The following CSF2RB variants were observed in gnomAD, a reference collection of about 807,000 sequenced individuals.
CSF2RB encodes cytokine receptor common subunit beta.
CSF2RB carries 22 observed loss-of-function variants against 67.2 expected under a neutral mutation model. That is an observed-to-expected ratio of 0.33 (90% CI 0.23 to 0.47). The LOEUF is 0.47. Ranked by LOEUF, CSF2RB falls within the 20% of genes least tolerant of loss-of-function variation. The pLI, the probability that CSF2RB is intolerant of heterozygous loss-of-function variation, is 1.00. For synonymous variants in CSF2RB, 507 were observed against 482.9 expected (o/e 1.05, Z -0.65); for missense variants, 1,113 against 1,174.5 (o/e 0.95, Z 0.76).
At chr22:36,936,975 G>A (rs1262202019) in intron 13 of CSF2RB, among the ~76,000 whole-genome samples, 3 of 152,220 alleles carry the variant, frequency 2.0e-5, no homozygotes, top group East Asian at 3.9e-4. Context: ...GGAACTCGGC[G>A]CCTGAGCCGG....
chr22:36,929,523 T>C lies in CSF2RB; in HGVS notation c.513T>C (p.Phe171=). 1 of 1,614,144 alleles carries C rather than the reference T, an allele frequency of 6.2e-7. No individual in the cohort carries two copies. The change falls in exon 5 of 14, where the codon TTT becomes TTC. Residue 171 remains phenylalanine, a synonymous_variant. Coordinates refer to ENST00000403662, the MANE Select transcript of CSF2RB (RefSeq NM_000395.3). ...GGTTGTCCCCAGGGGATCTGGAGTT[T>C]GAGGTGGTCTACAAGCGGCTTCAGG... The part of the protein sequence containing the change: ...SHWLSPGDLE[F]EVVYKRLQDS...
rs953500655 is a variant in CSF2RB at position 36,937,073 on chromosome 22, G to C, written c.1569-304G>C. On this transcript the variant is annotated intron_variant, in intron 13 of 13. Transcript: ENST00000403662. This position sits in a 1 kb window ranked among gnomAD's most constrained non-coding sequence, Gnocchi z 4.6. ...TGCCCAGTGCACAGGCTGGGCATGA[G>C]CCTGGTGCTGAAGGAGGATGGACTT... 6.6e-6 allele frequency among the ~76,000 whole-genome samples: 1 copy of C among 152,142 alleles called. No homozygotes were observed. Among genetic ancestry groups the C allele is most frequent in the South Asian group, 2.1e-4 (1 of 4,832 alleles).
chr22:36,916,993 G>T (rs542026757), intron 1 of CSF2RB, among the ~76,000 whole-genome samples: 2 of 152,348 alleles, frequency 1.3e-5, no homozygotes, highest in Admixed American at 1.3e-4. Context: ...AGAGCCTCCT[G>T]TGTGAGGCTT....
chr22:36,935,391 C>T lies in CSF2RB; in HGVS notation c.1356C>T (p.Leu452=), dbSNP rs761301572. 2 of 1,614,218 alleles carry T rather than the reference C, an allele frequency of 1.2e-6. No homozygotes were observed. The highest frequency in any genetic ancestry group is 1.1e-5 in the South Asian group (1 of 91,090). The change falls in exon 11 of 14, where the codon CTC becomes CTT. Residue 452 remains leucine (L), a synonymous_variant. Transcript: ENST00000403662. The part of the protein sequence containing the change: ...MWVLALIVIF[L]TIAVLLALRF... Reference sequence around the variant, plus strand: ...TGCTGGCCCTCATCGTGATCTTCCTCACCATCGCTGTGCTCCTGGCCCTCC... The same window carrying T: ...TGCTGGCCCTCATCGTGATCTTCCTTACCATCGCTGTGCTCCTGGCCCTCC...
Position 36,935,413 on chromosome 22 carries a change from C to G in CSF2RB, c.1378C>G (p.Leu460Val), listed in dbSNP as rs139657532. 389 of 1,614,220 alleles carry G rather than the reference C, an allele frequency of 2.4e-4. 1 individual carries two copies. In the African/African-American group the frequency reaches 4.7e-3, roughly 20 times the overall value. ...IFLTIAVLLA[L>V]RFCGIYGYRL... ...CCTCACCATCGCTGTGCTCCTGGCC[C>G]TCCGCTTCTGTGGCATCTACGGGTA... Residue 460 changes from leucine to valine, a missense_variant, in exon 11 of 14, where the codon CTC becomes GTC. Leu to Val is a conservative substitution (Grantham distance 32, BLOSUM62 1). Around this residue, in one of 2 missense-constraint regions of CSF2RB, gnomAD observed 559 missense variants for 656.5 expected, o/e 0.85. Coordinates refer to ENST00000403662, the MANE Select transcript of CSF2RB (RefSeq NM_000395.3).
intron 4 of CSF2RB, among the ~76,000 whole-genome samples, chr22:36,928,638 C>T (rs1207086004): frequency 6.6e-6 from 1 of 152,190 alleles, no homozygotes; most frequent in Admixed American, 6.5e-5. Flanking sequence ...ACCCAGAGTT[C>T]CCAGGAGATA....
At position 36,929,106 on chromosome 22, in the gene CSF2RB, G is replaced by A. The variant is rs114613189; in HGVS notation, c.392-296G>A. ...CCACCCAGGCCGCAGCGTGGGCAGT[G>A]GGGAGCCTCAGGACAGAGGAGGCTC... On this transcript the variant is annotated intron_variant, in intron 4 of 13. Transcript: ENST00000403662. Among the ~76,000 whole-genome samples the A allele has an allele frequency of 0.018, 2,796 of 152,284 alleles. 44 individuals carry two copies. Among genetic ancestry groups the A allele is most frequent in the South Asian group, 0.062 (300 of 4,816 alleles).
intron 10 of CSF2RB, among the ~76,000 whole-genome samples, chr22:36,934,884 A>AC (rs1456233950): frequency 6.6e-6 from 1 of 152,094 alleles, no homozygotes; most frequent in Non-Finnish European, 1.5e-5. Flanking sequence ...TCCTGGAGGA[A>AC]CCTGGCCTGG....
intron 2 of CSF2RB, among the ~76,000 whole-genome samples, chr22:36,922,924 G>A (rs1940912783): frequency 6.6e-6 from 1 of 152,054 alleles, no homozygotes; most frequent in African/African-American, 2.4e-5. Context: ...AGTCGGTCCA[G>A]GGGCCAGGCC....
intron 10 of CSF2RB, among the ~76,000 whole-genome samples, chr22:36,934,652 C>T (rs1431214097): frequency 6.6e-6 from 1 of 152,158 alleles, no homozygotes; most frequent in Non-Finnish European, 1.5e-5. Flanking sequence ...GCACTTGCTG[C>T]GTGCACTGAC....
chr22:36,918,798 G>A (rs1047868482), intron 1 of CSF2RB, among the ~76,000 whole-genome samples: 3 of 152,242 alleles, frequency 2.0e-5, no homozygotes, highest in African/African-American at 7.2e-5. Context: ...TTTCAGGCTA[G>A]TATGGTTGCT....
chr22:36,917,848 C>T (rs919899967), intron 1 of CSF2RB, among the ~76,000 whole-genome samples: 4 of 151,832 alleles, frequency 2.6e-5, no homozygotes, highest in Non-Finnish European at 4.4e-5. Context: ...GCTTGAACCC[C>T]GGAGGCAGAG....
rs964237502 is a variant in CSF2RB, at chr22:36,922,469, T to C, written c.76+186T>C. On this transcript the variant is annotated intron_variant, in intron 2 of 13. Transcript: ENST00000403662. ...TCCTCCTGCACATTCCTGCTCATCCTGTCTTGGAAAGTCCAGCTGAGCGTG... is the reference window on the plus strand; with the variant it reads ...TCCTCCTGCACATTCCTGCTCATCCCGTCTTGGAAAGTCCAGCTGAGCGTG... 1.9e-5 allele frequency: 12 copies of C among 629,250 alleles called. No individual in the cohort carries two copies. In the Admixed American group the frequency reaches 2.9e-4, roughly 15 times the overall value. 39.0% of individuals were successfully genotyped at this position (629,250 alleles called of 1,614,324 possible). A position where few individuals can be genotyped will look rare whatever the true frequency, so the allele number is the denominator to read the frequency against.
intron 1 of CSF2RB, among the ~76,000 whole-genome samples, chr22:36,920,987 CTGTG>C (rs59971336): frequency 0.44 from 66,366 of 151,340 alleles, 16,467 homozygotes; most frequent in Admixed American, 0.58. Flanking sequence ...TTGATAGATT[CTGTG>C]TGTGTGTATG....
At chr22:36,918,460 C>G (rs1353130836) in intron 1 of CSF2RB, among the ~76,000 whole-genome samples, 2 of 152,160 alleles carry the variant, frequency 1.3e-5, no homozygotes, top group African/African-American at 2.4e-5. Flanking sequence ...CATATTCTTG[C>G]AAGACGAAAA....
intron 1 of CSF2RB, among the ~76,000 whole-genome samples, chr22:36,914,895 C>A (rs1168538827): frequency 1.3e-5 from 2 of 152,138 alleles, no homozygotes; most frequent in African/African-American, 4.8e-5. Flanking sequence ...GCTAAACAAG[C>A]AACTACACAG....
intron 12 of CSF2RB, among the ~76,000 whole-genome samples, chr22:36,935,999 G>A (rs557188460): frequency 1.3e-5 from 2 of 152,310 alleles, no homozygotes; most frequent in South Asian, 4.1e-4. Context: ...GGTGTCAGGA[G>A]GCAGAAGGGC....
In CSF2RB at chr22:36,938,476, G is replaced by A. The variant is rs756743554; in HGVS notation, c.2668G>A (p.Val890Ile). ...CTACCTGTCTCTGCCCCCTTGGGAG[G>A]TCAACAAGCCTGGGGAGGTGTGTTG... ...QDYLSLPPWE[V>I]NKPGEVC The change falls in exon 14 of 14, where the codon GTC becomes ATC. Residue 890 changes from valine to isoleucine, a missense_variant. Val to Ile is a conservative substitution (Grantham distance 29, BLOSUM62 3). Transcript: ENST00000403662. The A allele has an allele frequency of 5.6e-5, 91 of 1,613,734 alleles. No individual in the cohort carries two copies. The highest frequency in any genetic ancestry group is 1.6e-4 in the Middle Eastern group (1 of 6,084).
Position 36,938,865 on chromosome 22 carries a change from G to T in CSF2RB, c.*363G>T. The stretch of plus-strand genomic sequence containing the variant: ...CCTTCTTTTTTCACTGATTTATTAT[G>T]AGAGTGGGGCTGAGGTCTGAGCTGA... On this transcript the variant is annotated 3_prime_UTR_variant, in exon 14 of 14. Transcript: ENST00000403662. The T allele has an allele frequency of 1.9e-6, 1 of 537,768 alleles. No homozygotes were observed. Among genetic ancestry groups the T allele is most frequent in the Non-Finnish European group, 3.3e-6 (1 of 305,586 alleles). The allele number at this position is 537,768 out of a possible 1,614,324, so 33.3% of individuals were successfully genotyped here.
Sources: gnomAD v4.1 joint callset for allele counts (sites outside exome capture counted in the v4.1 genomes callset) on GRCh38, gnomAD v4.1.1 for gene constraint, gnomAD v4.1.1 regional missense constraint, Gnocchi (gnomAD v3.1) non-coding constraint, MANE v1.5 for transcripts, NCBI Gene and HGNC (gene_info 2026-07-23, HGNC 2026-07-21) for gene names.